Variants in CST2 observed in about 807,000 individuals in gnomAD.
The protein encoded by CST2 is cystatin-SA.
In CST2, 26 loss-of-function variants were observed where a neutral mutation model predicts 13.4. The ratio of observed to expected loss-of-function variants is 1.95; its 90% CI spans 1.43 to 2.70. The LOEUF is 2.70. Ranked by LOEUF, CST2 falls within the 30% of genes most tolerant of loss-of-function variation. CST2 has a pLI of 0.00. For synonymous variants in CST2, 105 were observed against 71.1 expected (o/e 1.48, Z -2.40); for missense variants, 243 against 173.4 (o/e 1.40, Z -2.25).
Position 23,824,696 on chromosome 20 carries a change from C to G in CST2, c.342+514G>C, listed in dbSNP as rs143370713. Among the ~76,000 whole-genome samples the G allele has an allele frequency of 6.0e-3, 910 of 152,138 alleles. 11 individuals carry two copies. Among genetic ancestry groups the G allele is most frequent in the African/African-American group, 0.02 (847 of 41,484 alleles). ...TGTGTCTGTGGCTGCATGCAGGTAC[C>G]TGAGGCTGGGATTAGACAGAGCCCC... On this transcript the variant is annotated intron_variant, in intron 2 of 2. Transcript: ENST00000304725.
At chr20:23,824,166 G>T in intron 2 of CST2, 63 bp from the exon 3 acceptor site, 1 of 1,546,718 alleles carries the variant, frequency 6.5e-7, no homozygotes, top group Non-Finnish European at 8.9e-7. Flanking sequence ...AGTCACCCAG[G>T]CATGAGATGT....
intron 2 of CST2, among the ~76,000 whole-genome samples, chr20:23,824,896 G>A (rs1359123175): frequency 6.6e-6 from 1 of 151,862 alleles, no homozygotes; most frequent in Non-Finnish European, 1.5e-5. Flanking sequence ...AGGCAACTAC[G>A]TAAACTCACT....
chr20:23,825,807 G>C (rs566480940), intron 1 of CST2, among the ~76,000 whole-genome samples: 2 of 152,298 alleles, frequency 1.3e-5, no homozygotes, highest in South Asian at 4.1e-4. Flanking sequence ...GGATTCCTTT[G>C]AATTTCCAAG....
chr20:23,826,136 C>A lies in CST2; in HGVS notation c.228+297G>T, dbSNP rs758818288. Among the ~76,000 whole-genome samples the A allele has an allele frequency of 3.3e-5, 5 of 152,292 alleles. No individual in the cohort carries two copies. The South Asian group carries it at 6.2e-4, about 19-fold the overall frequency. ...ACTTGGGGAGTGAAGTAGGGCTCTG[C>A]AGAACAGGAAGCGAAGTTCCTGTGT... On this transcript the variant is annotated intron_variant, in intron 1 of 2. Coordinates refer to ENST00000304725, the MANE Select transcript of CST2 (RefSeq NM_001322.3).
intron 1 of CST2, among the ~76,000 whole-genome samples, chr20:23,826,158 G>C (rs189565271): frequency 6.6e-6 from 1 of 152,184 alleles, no homozygotes; most frequent in African/African-American, 2.4e-5. Context: ...CGAAGTTCCT[G>C]TGTGGCCCCT....
chr20:23,825,169 T>G, intron 2 of CST2, 41 bp downstream of exon 2: 1 of 1,610,742 alleles, frequency 6.2e-7, no homozygotes, highest in Non-Finnish European at 8.5e-7. Flanking sequence ...CGCACCCCTC[T>G]GCAGTGCATG....
chr20:23,826,390 C>G (rs1284920073), intron 1 of CST2, 43 bp downstream of exon 1: 5 of 1,551,920 alleles, frequency 3.2e-6, no homozygotes, highest in Non-Finnish European at 4.4e-6. Flanking sequence ...GGGCAACAAA[C>G]AAGGCTGGGA....
intron 1 of CST2, 22 bp downstream of exon 1, chr20:23,826,411 C>G (rs758953972): frequency 6.2e-7 from 1 of 1,608,140 alleles, no homozygotes; most frequent in African/African-American, 1.3e-5. Flanking sequence ...CTCAGGACCC[C>G]TCAGGTGGAG....
rs934600181 is a variant in CST2, at chr20:23,823,932, C to T, written c.*88G>A. ...GCTGCAGGTGCATGGGGAGACCTCC[C>T]ACAGGGTGGGGGCCACCAGTCCAGG... On this transcript the variant is annotated 3_prime_UTR_variant, in exon 3 of 3. Transcript: ENST00000304725. The T allele has an allele frequency of 2.2e-5, 29 of 1,318,228 alleles. No homozygotes were observed. The highest frequency in any genetic ancestry group is 3.0e-5 in the Non-Finnish European group (29 of 956,646). 81.7% of individuals were successfully genotyped at this position (1,318,228 alleles called of 1,614,324 possible). A position where few individuals can be genotyped will look rare whatever the true frequency, so the allele number is the denominator to read the frequency against.
chr20:23,824,784 A>G (rs1984774255), intron 2 of CST2, among the ~76,000 whole-genome samples: 1 of 152,116 alleles, frequency 6.6e-6, no homozygotes, highest in Non-Finnish European at 1.5e-5. Context: ...AACACCCCAA[A>G]GCAGGCAGAG....
chr20:23,824,379 C>T (rs1050014500), intron 2 of CST2, among the ~76,000 whole-genome samples: 3 of 152,136 alleles, frequency 2.0e-5, no homozygotes, highest in Non-Finnish European at 2.9e-5. Context: ...TGTGCAAGAC[C>T]TTGGGAGCCC....
chr20:23,824,781 C>G (rs1984774181), intron 2 of CST2, among the ~76,000 whole-genome samples: 1 of 152,136 alleles, frequency 6.6e-6, no homozygotes, highest in South Asian at 2.1e-4. Context: ...GGCAACACCC[C>G]AAAGCAGGCA....
chr20:23,824,384 G>A (rs1274478585), intron 2 of CST2, among the ~76,000 whole-genome samples: 1 of 152,090 alleles, frequency 6.6e-6, no homozygotes, highest in African/African-American at 2.4e-5. Flanking sequence ...AAGACCTTGG[G>A]AGCCCCAAGG....
At position 23,824,066 on chromosome 20, in the gene CST2, C is replaced by T. The variant is rs113508321; in HGVS notation, c.380G>A (p.Trp127Ter). ...LCSFQIYEVP[W>*]EDRMSLVNSR... ...ATTCACCAGGGACATTCTGTCCTCC[C>T]AGGGAACTTCGTAGATCTGGAAAGA... Residue 127 changes from tryptophan (W) to a stop codon, truncating the protein, a stop_gained, in exon 3 of 3, where the codon TGG (tryptophan) becomes TAG (stop). Coordinates refer to ENST00000304725, the MANE Select transcript of CST2 (RefSeq NM_001322.3). LOFTEE classifies it high-confidence loss of function. 212 of 1,614,098 alleles carry T rather than the reference C, an allele frequency of 1.3e-4. No homozygotes were observed. The African/African-American group carries it at 2.4e-3, about 18-fold the overall frequency.
Position 23,826,416 on chromosome 20 carries a change from G to A in CST2, c.228+17C>T. 6.2e-7 allele frequency: 1 copy of A among 1,611,226 alleles called. No homozygotes were observed. The highest frequency in any genetic ancestry group is 8.5e-7 in the Non-Finnish European group (1 of 1,177,620). On this transcript the variant is annotated intron_variant, in intron 1 of 2. Transcript: ENST00000304725. ...AAGGCTGGGACTCAGGACCCCTCAGGTGGAGGCAGCACCCACCTGCTCCCT... is the reference window on the plus strand; with the variant it reads ...AAGGCTGGGACTCAGGACCCCTCAGATGGAGGCAGCACCCACCTGCTCCCT...
chr20:23,826,722 C>A lies in CST2; in HGVS notation c.-62G>T, dbSNP rs887001976. The A allele has an allele frequency of 6.8e-7, 1 of 1,462,516 alleles. No individual in the cohort carries two copies. Among genetic ancestry groups the A allele is most frequent in the Non-Finnish European group, 9.2e-7 (1 of 1,088,096 alleles). The allele number at this position is 1,462,516 out of a possible 1,614,324, so 90.6% of individuals were successfully genotyped here. On this transcript the variant is annotated 5_prime_UTR_variant, in exon 1 of 3. Coordinates refer to ENST00000304725, the MANE Select transcript of CST2 (RefSeq NM_001322.3). Reference sequence around the variant, plus strand: ...AGGAGAGGAGGTTGAGAGCCTGAGGCGGGGATCCCAGACCAGCAGGCAGCT... The same window carrying A: ...AGGAGAGGAGGTTGAGAGCCTGAGGAGGGGATCCCAGACCAGCAGGCAGCT...
chr20:23,826,196 G>A (rs1984831208), intron 1 of CST2, among the ~76,000 whole-genome samples: 1 of 152,154 alleles, frequency 6.6e-6, no homozygotes, highest in African/African-American at 2.4e-5. Context: ...AGGAGGGTGA[G>A]CCTCATGGCC....
intron 1 of CST2, among the ~76,000 whole-genome samples, chr20:23,826,104 G>C (rs1384606876): frequency 6.6e-6 from 1 of 152,164 alleles, no homozygotes; most frequent in Non-Finnish European, 1.5e-5. Context: ...CTGTACCCAC[G>C]GGTGTGACTT....
intron 1 of CST2, among the ~76,000 whole-genome samples, chr20:23,825,858 G>T (rs1308043193): frequency 2.0e-5 from 3 of 152,198 alleles, no homozygotes; most frequent in Admixed American, 6.5e-5. Flanking sequence ...ACTATTTGCT[G>T]CTCTGCCATG....
Sources: allele counts gnomAD v4.1 joint callset (sites outside exome capture counted in the v4.1 genomes callset), GRCh38; gene constraint gnomAD v4.1.1; transcripts MANE v1.5; gene names NCBI Gene and HGNC (gene_info 2026-07-23, HGNC 2026-07-21).